The following NKAIN2 variants were observed in gnomAD, a reference collection of about 807,000 sequenced individuals.
NKAIN2 encodes sodium/potassium-transporting ATPase subunit beta-1-interacting protein 2.
In NKAIN2, 14 loss-of-function variants were observed where a neutral mutation model predicts 32.6. That is an observed-to-expected ratio of 0.43 (90% CI 0.28 to 0.67). The LOEUF is 0.67. Among genes scored for constraint, NKAIN2 ranks in the 30% least tolerant of loss-of-function variants. The pLI is 0.17. For missense variants in NKAIN2, 198 were observed against 258.3 expected, an observed-to-expected ratio of 0.77 and a Z score of 1.60; for synonymous variants, 80 against 87.2, an observed-to-expected ratio of 0.92 and a Z score of 0.46.
chr6:124,071,816 C>G (rs1196356411), intron 1 of NKAIN2, among the ~76,000 whole-genome samples: 1 of 152,006 alleles, frequency 6.6e-6, no homozygotes, highest in Admixed American at 6.6e-5. Flanking sequence ...ATTAAAAAGT[C>G]AAAAAGCAGT....
chr6:124,758,167 A>G (rs1030725745), intron 4 of NKAIN2, among the ~76,000 whole-genome samples: 21 of 152,140 alleles, frequency 1.4e-4, no homozygotes, highest in African/African-American at 3.9e-4. Flanking sequence ...AAATGCTATC[A>G]GCAGTCCCAG....
chr6:124,631,829 A>G (rs1783581378), intron 3 of NKAIN2, among the ~76,000 whole-genome samples: 1 of 152,104 alleles, frequency 6.6e-6, no homozygotes, highest in Non-Finnish European at 1.5e-5. Context: ...TAATTTTTAG[A>G]TCTCACAACT....
At chr6:124,172,863 A>G (rs183928948) in intron 1 of NKAIN2, among the ~76,000 whole-genome samples, 2 of 152,298 alleles carry the variant, frequency 1.3e-5, no homozygotes, top group Non-Finnish European at 2.9e-5. Context: ...TTTAATATGT[A>G]GTGTGGGAAT....
chr6:124,089,447 T>C lies in NKAIN2; in HGVS notation c.55-193558T>C, dbSNP rs145361276. 2.7e-3 allele frequency among the ~76,000 whole-genome samples: 409 copies of C among 152,082 alleles called. 1 individual carries two copies. The highest frequency in any genetic ancestry group is 9.5e-3 in the African/African-American group (394 of 41,536). On this transcript the variant is annotated intron_variant, in intron 1 of 6. Coordinates refer to ENST00000368417, the MANE Select transcript of NKAIN2 (RefSeq NM_001040214.3). Reference sequence around the variant, plus strand: ...TCTGTCTCTTACCACTGCTTTGATTTTGTAAACCTTGCTATTTTAACCTAG... The same window carrying C: ...TCTGTCTCTTACCACTGCTTTGATTCTGTAAACCTTGCTATTTTAACCTAG...
At chr6:124,275,811 T>C (rs1216455111) in intron 1 of NKAIN2, among the ~76,000 whole-genome samples, 1 of 145,116 alleles carries the variant, frequency 6.9e-6, no homozygotes, top group Non-Finnish European at 1.5e-5. Context: ...TTCAAATTTG[T>C]ATTGAAATAT....
At chr6:123,824,500 G>T (rs911365041) in intron 1 of NKAIN2, among the ~76,000 whole-genome samples, 7 of 152,016 alleles carry the variant, frequency 4.6e-5, no homozygotes, top group Non-Finnish European at 7.4e-5. Context: ...TTTTGGGAGG[G>T]TACCATCAGC....
chr6:124,203,537 G>A (rs537973742), intron 1 of NKAIN2, among the ~76,000 whole-genome samples: 8 of 151,742 alleles, frequency 5.3e-5, no homozygotes, highest in Middle Eastern at 3.4e-3. Context: ...GGCAAATTCT[G>A]GCTTTCACAG....
intron 3 of NKAIN2, among the ~76,000 whole-genome samples, chr6:124,489,482 A>G (rs1292879866): frequency 6.6e-6 from 1 of 151,860 alleles, no homozygotes; most frequent in South Asian, 2.1e-4. Flanking sequence ...AAATGTATTT[A>G]ATATACCTAA....
At position 124,566,396 on chromosome 6, in the gene NKAIN2, T is replaced by G. The variant is rs116237242; in HGVS notation, c.274-91790T>G. Among the ~76,000 whole-genome samples, 806 of 152,210 alleles carry G rather than the reference T, an allele frequency of 5.3e-3. 6 individuals carry two copies. The highest frequency in any genetic ancestry group is 0.019 in the African/African-American group (771 of 41,536). ...AGCTGTGAGTAGAGGTGATGTCTTA[T>G]TCCACTTCACATTCAACGGTGAGTG... On this transcript the variant is annotated intron_variant, in intron 3 of 6. Transcript: ENST00000368417.
chr6:124,718,654 A>T (rs1338377816), intron 4 of NKAIN2, among the ~76,000 whole-genome samples: 1 of 152,174 alleles, frequency 6.6e-6, no homozygotes, highest in Non-Finnish European at 1.5e-5. Flanking sequence ...ACACACAATC[A>T]AACCCCACCC....
chr6:124,761,482 C>T (rs150130639), intron 4 of NKAIN2, among the ~76,000 whole-genome samples: 1 of 152,168 alleles, frequency 6.6e-6, no homozygotes, highest in Non-Finnish European at 1.5e-5. Flanking sequence ...TATCAGTGGG[C>T]TTTCACCCAC....
intron 3 of NKAIN2, among the ~76,000 whole-genome samples, chr6:124,508,713 A>T (rs577848069): frequency 6.6e-6 from 1 of 152,134 alleles, no homozygotes; most frequent in African/African-American, 2.4e-5. Flanking sequence ...AATTATTATT[A>T]TGCAGTTCTG....
intron 1 of NKAIN2, among the ~76,000 whole-genome samples, chr6:123,910,870 A>T (rs963800207): frequency 3.3e-5 from 5 of 152,070 alleles, no homozygotes; most frequent in African/African-American, 7.2e-5. Flanking sequence ...ATATGATTAC[A>T]AGAAAATAAC....
intron 1 of NKAIN2, among the ~76,000 whole-genome samples, chr6:123,971,164 C>T (rs968575510): frequency 4.6e-5 from 7 of 151,806 alleles, no homozygotes; most frequent in Non-Finnish European, 1.0e-4. Flanking sequence ...TAAGGAAGCC[C>T]ATGAAGCAAA....
intron 5 of NKAIN2, chr6:124,794,783 G>A (rs1474421666): frequency 2.0e-6 from 1 of 507,706 alleles, no homozygotes; most frequent in Non-Finnish European, 2.5e-6. Context: ...GTATCTTTTG[G>A]TTACAATGCT....
intron 3 of NKAIN2, among the ~76,000 whole-genome samples, chr6:124,539,644 G>T (rs995598029): frequency 2.0e-5 from 3 of 152,144 alleles, no homozygotes; most frequent in African/African-American, 7.2e-5. Flanking sequence ...AGTGATTAAA[G>T]AAAGGAAATG....
At chr6:124,154,804 TA>T (rs1209150992) in intron 1 of NKAIN2, among the ~76,000 whole-genome samples, 1 of 152,044 alleles carries the variant, frequency 6.6e-6, no homozygotes, top group East Asian at 1.9e-4. Context: ...ACAGTAATAA[TA>T]TTTGTCAGAT....
rs139148388 is a variant in NKAIN2, at chr6:124,630,333, A to T, written c.274-27853A>T. The stretch of plus-strand genomic sequence containing the variant: ...TGGCTAATCATTACACATGGTCACA[A>T]ATCTCATTAAGATTCTTCAGAGCTT... On this transcript the variant is annotated intron_variant, in intron 3 of 6. Transcript: ENST00000368417. Among the ~76,000 whole-genome samples the T allele has an allele frequency of 2.4e-3, 358 of 152,282 alleles. 4 individuals are homozygous for T. The highest frequency in any genetic ancestry group is 8.1e-3 in the African/African-American group (338 of 41,562).
intron 1 of NKAIN2, among the ~76,000 whole-genome samples, chr6:124,167,165 C>T (rs1482710573): frequency 6.8e-6 from 1 of 147,786 alleles, no homozygotes; most frequent in Non-Finnish European, 1.5e-5. Flanking sequence ...GAATGTTCTT[C>T]CATTTGTTTG....
Sources: gnomAD v4.1 joint callset for allele counts (sites outside exome capture counted in the v4.1 genomes callset) on GRCh38, gnomAD v4.1.1 for gene constraint, MANE v1.5 for transcripts, NCBI Gene and HGNC (gene_info 2026-07-23, HGNC 2026-07-21) for gene names.